CELF2: variants seen among roughly 807,000 people sequenced by gnomAD.
CELF2 encodes the protein CUGBP Elav-like family member 2.
Under a neutral mutation model 62.6 loss-of-function variants are expected in CELF2, and 8 were observed. That is an observed-to-expected ratio of 0.13 (90% CI 0.07 to 0.23). The LOEUF (loss-of-function observed/expected upper bound fraction) is 0.23. CELF2 is among the 10% of genes least tolerant of loss of function. The probability of loss-of-function intolerance (pLI) is 1.00; values close to 1 mark genes in which losing one functional copy is unlikely to be tolerated. For synonymous variants in CELF2, 258 were observed against 250.0 expected (o/e 1.03, Z -0.30); for missense variants, 333 against 671.0 (o/e 0.50, Z 5.56).
chr10:10,731,678 G>T, the CELF2 span, among the ~76,000 whole-genome samples: 1 of 152,122 alleles, frequency 6.6e-6, no homozygotes. Flanking sequence ...TTTTGAAAGG[G>T]TACCCCTTAG....
the CELF2 span, among the ~76,000 whole-genome samples, chr10:10,526,362 G>A: frequency 6.6e-6 from 1 of 152,202 alleles, no homozygotes; most frequent in Non-Finnish European, 1.5e-5. Flanking sequence ...GTCACACAGA[G>A]TAACATCACA....
At position 11,328,866 on chromosome 10, in the gene CELF2, CT is replaced by C; in HGVS notation, c.1439-56del. The C allele has an allele frequency of 6.4e-7, 1 of 1,563,958 alleles. No homozygotes were observed. Among genetic ancestry groups the C allele is most frequent in the South Asian group, 1.2e-5 (1 of 85,612 alleles). On this transcript the variant is annotated intron_variant, in intron 12 of 12. Transcript: ENST00000633077. This position sits in a 1 kb window ranked among gnomAD's most constrained non-coding sequence, Gnocchi z 6.4. Reference sequence around the variant, plus strand: ...CAGCCTTCCCCAGAGCTCCAGCCCCCTTTTCTGTTTTCTGCTGGGCTTCCTC... The same window carrying C: ...CAGCCTTCCCCAGAGCTCCAGCCCCCTTTCTGTTTTCTGCTGGGCTTCCTC...
intron 1 of CELF2, among the ~76,000 whole-genome samples, chr10:10,896,159 G>A (rs571708803): frequency 6.6e-6 from 1 of 152,212 alleles, no homozygotes; most frequent in East Asian, 1.9e-4. Flanking sequence ...AGGATTAAAG[G>A]TCATAGTGAC....
At chr10:10,666,065 G>T in the CELF2 span, among the ~76,000 whole-genome samples, 2 of 152,186 alleles carry the variant, frequency 1.3e-5, no homozygotes, top group Non-Finnish European at 2.9e-5. Context: ...CTCTGTTGCA[G>T]CCCTGGCTGT....
chr10:10,783,455 C>T, the CELF2 span, among the ~76,000 whole-genome samples: 1 of 152,178 alleles, frequency 6.6e-6, no homozygotes, highest in Non-Finnish European at 1.5e-5. Context: ...TTCTCTCTCA[C>T]AGCCTCAGAA....
chr10:11,170,602 T>G (rs933756437), intron 2 of CELF2, among the ~76,000 whole-genome samples: 1 of 151,842 alleles, frequency 6.6e-6, no homozygotes, highest in African/African-American at 2.4e-5. Flanking sequence ...GTAGCAGATA[T>G]GCTAGGAAGT....
the CELF2 span, among the ~76,000 whole-genome samples, chr10:10,613,028 A>C: frequency 6.6e-6 from 1 of 152,354 alleles, no homozygotes; most frequent in African/African-American, 2.4e-5. Context: ...CATCAGAGGA[A>C]GTCAAGCAGC....
intron 1 of CELF2, among the ~76,000 whole-genome samples, chr10:11,126,826 G>T (rs2058777344): frequency 6.6e-6 from 1 of 151,506 alleles, no homozygotes; most frequent in Non-Finnish European, 1.5e-5. Flanking sequence ...ATGCCCCTGG[G>T]GATATAGTTG....
At chr10:10,538,459 C>T in the CELF2 span, among the ~76,000 whole-genome samples, 3 of 152,140 alleles carry the variant, frequency 2.0e-5, no homozygotes, top group African/African-American at 7.2e-5. Context: ...TTGCCACTCC[C>T]TATGCTTGAT....
the CELF2 span, among the ~76,000 whole-genome samples, chr10:10,560,902 G>A: frequency 6.6e-6 from 1 of 152,038 alleles, no homozygotes; most frequent in Non-Finnish European, 1.5e-5. Context: ...TATTCTAAGG[G>A]AAGTAACTCA....
intron 1 of CELF2, among the ~76,000 whole-genome samples, chr10:10,833,957 C>T (rs1271873322): frequency 6.6e-6 from 1 of 152,164 alleles, no homozygotes; most frequent in African/African-American, 2.4e-5. Context: ...CAATCCCATT[C>T]CTGGGTATAT....
rs74115728 is a variant in CELF2 at position 11,121,695 on chromosome 10, A to T, written c.75-43791A>T. Among the ~76,000 whole-genome samples the T allele has an allele frequency of 4.6e-3, 698 of 150,676 alleles. 6 individuals are homozygous for T. The highest frequency in any genetic ancestry group is 0.016 in the African/African-American group (665 of 40,742). ...GCTTGCCTAGTGCTAAGAGGCTAGT[A>T]TTTTTTTTGTTTTTTTTACTGTCTT... On this transcript the variant is annotated intron_variant, in intron 1 of 12. Transcript: ENST00000633077.
chr10:11,228,828 T>G (rs751909967), intron 3 of CELF2, among the ~76,000 whole-genome samples: 3 of 151,894 alleles, frequency 2.0e-5, no homozygotes, highest in African/African-American at 7.3e-5. Context: ...ACCAAGATTT[T>G]AAAAACTCTG....
chr10:10,744,576 C>T, the CELF2 span, among the ~76,000 whole-genome samples: 1 of 152,178 alleles, frequency 6.6e-6, no homozygotes, highest in Non-Finnish European at 1.5e-5. Context: ...CCCAGTGTGT[C>T]CTGCCCTATA....
the CELF2 span, among the ~76,000 whole-genome samples, chr10:10,673,193 A>C: frequency 6.6e-6 from 1 of 151,942 alleles, no homozygotes; most frequent in Admixed American, 6.6e-5. Context: ...GTTTTTGTTA[A>C]TTTTTCAGAT....
chr10:10,583,589 G>C, the CELF2 span, among the ~76,000 whole-genome samples: 1 of 152,180 alleles, frequency 6.6e-6, no homozygotes, highest in Non-Finnish European at 1.5e-5. Flanking sequence ...CTTCAGACCA[G>C]GTTGCCGGGG....
chr10:11,018,041 A>G lies in CELF2; in HGVS notation c.-49A>G, dbSNP rs766107504. On this transcript the variant is annotated 5_prime_UTR_variant, in exon 1 of 13. Coordinates refer to ENST00000633077, the MANE Select transcript of CELF2 (RefSeq NM_001326342.2). Reference sequence around the variant, plus strand: ...TCTCGCGCCGCCCGCGGCCGCTCGGACGCGCGCAGAGCCGCCCCCCGCCGC... The same window carrying G: ...TCTCGCGCCGCCCGCGGCCGCTCGGGCGCGCGCAGAGCCGCCCCCCGCCGC... The G allele has an allele frequency of 7.9e-7, 1 of 1,264,958 alleles. No individual in the cohort carries two copies. The highest frequency in any genetic ancestry group is 1.0e-6 in the Non-Finnish European group (1 of 988,772). The allele number at this position is 1,264,958 out of a possible 1,614,324, so 78.4% of individuals were successfully genotyped here.
chr10:10,743,871 T>C, the CELF2 span, among the ~76,000 whole-genome samples: 1 of 151,492 alleles, frequency 6.6e-6, no homozygotes, highest in Non-Finnish European at 1.5e-5. Flanking sequence ...TAGAAACACA[T>C]ATCGATACAA....
chr10:11,131,787 AG>A (rs2059666512), intron 1 of CELF2, among the ~76,000 whole-genome samples: 2 of 152,182 alleles, frequency 1.3e-5, no homozygotes, highest in Admixed American at 1.3e-4. Flanking sequence ...GGGAAAAGAG[AG>A]GGTTCAGTGG....
Sources: allele counts gnomAD v4.1 joint callset (sites outside exome capture counted in the v4.1 genomes callset), GRCh38; gene constraint gnomAD v4.1.1; non-coding constraint Gnocchi (gnomAD v3.1); transcripts MANE v1.5; gene names NCBI Gene and HGNC (gene_info 2026-07-23, HGNC 2026-07-21).